The following EXOC4 variants were observed in gnomAD, a reference collection of about 807,000 sequenced individuals.
EXOC4 encodes the protein exocyst complex component 4, also known as SEC8-like 1.
A neutral mutation model predicts 107.2 loss-of-function variants in EXOC4; 71 were observed. The observed-to-expected ratio is 0.66, with a 90% CI of 0.55 to 0.81. The LOEUF is 0.81. EXOC4 is among the 30% of genes least tolerant of loss of function. The probability of loss-of-function intolerance (pLI) is 0.00; values close to 1 mark genes in which losing one functional copy is unlikely to be tolerated. For synonymous variants in EXOC4, 456 were observed against 441.2 expected, an observed-to-expected ratio of 1.03 and a Z score of -0.42; for missense variants, 1,108 against 1,189.6, an observed-to-expected ratio of 0.93 and a Z score of 1.01.
At chr7:133,858,057 G>A (rs528184103) in intron 11 of EXOC4, among the ~76,000 whole-genome samples, 18 of 152,006 alleles carry the variant, frequency 1.2e-4, no homozygotes, top group Non-Finnish European at 2.4e-4. Flanking sequence ...CCACAGAAGC[G>A]TCACCAGTGT....
chr7:133,957,759 A>G (rs2116822013), intron 14 of EXOC4, among the ~76,000 whole-genome samples: 1 of 152,370 alleles, frequency 6.6e-6, no homozygotes, highest in African/African-American at 2.4e-5. Flanking sequence ...CATCCCAGTA[A>G]TATACTCAGA....
At chr7:133,812,539 C>T (rs1045228383) in intron 10 of EXOC4, among the ~76,000 whole-genome samples, 2 of 152,124 alleles carry the variant, frequency 1.3e-5, no homozygotes, top group Non-Finnish European at 1.5e-5. Flanking sequence ...TAGGAAGGCT[C>T]ATTTTCTGTG....
At chr7:134,078,878 C>T in the EXOC4 span, among the ~76,000 whole-genome samples, 1 of 152,138 alleles carries the variant, frequency 6.6e-6, no homozygotes, top group Non-Finnish European at 1.5e-5. Flanking sequence ...TATTAACTGT[C>T]ATCATTTTCT....
intron 11 of EXOC4, among the ~76,000 whole-genome samples, chr7:133,853,088 G>C (rs543763022): frequency 6.6e-6 from 1 of 152,186 alleles, no homozygotes; most frequent in South Asian, 2.1e-4. Context: ...GTAGCCTAAG[G>C]TAGAGAAGTA....
chr7:134,010,865 T>C (rs1311200224), intron 17 of EXOC4, among the ~76,000 whole-genome samples: 4 of 152,178 alleles, frequency 2.6e-5, no homozygotes, highest in South Asian at 2.1e-4. Context: ...AGGGATTCCA[T>C]TGATGTTGAT....
At chr7:133,752,504 A>C (rs761139154) in intron 10 of EXOC4, among the ~76,000 whole-genome samples, 11 of 152,124 alleles carry the variant, frequency 7.2e-5, no homozygotes, top group Non-Finnish European at 1.3e-4. Flanking sequence ...GATTCAGGAT[A>C]TGCATTGAGC....
intron 9 of EXOC4, among the ~76,000 whole-genome samples, chr7:133,523,713 A>T (rs1479299500): frequency 6.6e-6 from 1 of 151,466 alleles, no homozygotes; most frequent in Non-Finnish European, 1.5e-5. Flanking sequence ...TGTTCTTGCG[A>T]TAGTTTACTG....
chr7:133,414,755 A>T (rs1432928950), intron 7 of EXOC4, among the ~76,000 whole-genome samples: 2 of 152,144 alleles, frequency 1.3e-5, no homozygotes, highest in African/African-American at 4.8e-5. Flanking sequence ...ATTATAGATA[A>T]ACCTTTTTTG....
intron 7 of EXOC4, among the ~76,000 whole-genome samples, chr7:133,413,223 A>G (rs745499947): frequency 1.3e-5 from 2 of 152,098 alleles, no homozygotes; most frequent in African/African-American, 4.8e-5. Flanking sequence ...CAGGTCATTG[A>G]ATTTTTTTCT....
At chr7:133,773,998 C>T (rs951030425) in intron 10 of EXOC4, among the ~76,000 whole-genome samples, 7 of 151,986 alleles carry the variant, frequency 4.6e-5, no homozygotes, top group South Asian at 2.1e-4. Context: ...ATCAAAGATA[C>T]AGATTTTCAA....
intron 1 of EXOC4, among the ~76,000 whole-genome samples, chr7:133,258,618 G>A (rs2080456658): frequency 6.6e-6 from 1 of 152,158 alleles, no homozygotes; most frequent in South Asian, 2.1e-4. Flanking sequence ...TCCTTTCTAG[G>A]ATCTGTAGCC....
chr7:133,730,279 T>C (rs1187799176), intron 10 of EXOC4, among the ~76,000 whole-genome samples: 1 of 151,186 alleles, frequency 6.6e-6, no homozygotes, highest in East Asian at 1.9e-4. Context: ...AATATGACAA[T>C]CTTGTTAAAT....
intron 14 of EXOC4, among the ~76,000 whole-genome samples, chr7:133,996,477 T>C (rs1794395569): frequency 6.6e-6 from 1 of 152,236 alleles, no homozygotes; most frequent in African/African-American, 2.4e-5. Context: ...TAGTTTTTTG[T>C]TTTTGTTCAG....
At chr7:133,265,878 G>T (rs1649169625) in intron 1 of EXOC4, among the ~76,000 whole-genome samples, 2 of 152,136 alleles carry the variant, frequency 1.3e-5, no homozygotes, top group African/African-American at 2.4e-5. Context: ...TTAGTTATCT[G>T]GGGCTGTATT....
Position 133,317,264 on chromosome 7 carries a change from G to A in EXOC4, c.657-20G>A. 6.4e-7 allele frequency: 1 copy of A among 1,567,026 alleles called. No individual in the cohort carries two copies. The highest frequency in any genetic ancestry group is 8.8e-7 in the Non-Finnish European group (1 of 1,137,578). ...TTGGTTTTGAAGAAAGTGGTAACTA[G>A]TGCTTCTTTTCCCGTTCAGCTCCCT... is the stretch of plus-strand genomic sequence containing the variant. On this transcript the variant is annotated intron_variant, in intron 4 of 17. Coordinates refer to ENST00000253861, the MANE Select transcript of EXOC4 (RefSeq NM_021807.4).
chr7:133,635,545 T>G (rs1802687000), intron 10 of EXOC4, among the ~76,000 whole-genome samples: 1 of 152,192 alleles, frequency 6.6e-6, no homozygotes, highest in Non-Finnish European at 1.5e-5. Flanking sequence ...AATACTCTAA[T>G]GCCTTTTTTT....
intron 9 of EXOC4, among the ~76,000 whole-genome samples, chr7:133,544,293 C>G (rs1039844225): frequency 3.3e-5 from 5 of 151,928 alleles, no homozygotes; most frequent in African/African-American, 1.2e-4. Flanking sequence ...GGACTAATGT[C>G]TTCATTGTTT....
intron 14 of EXOC4, among the ~76,000 whole-genome samples, chr7:133,982,323 C>T (rs747410141): frequency 3.0e-4 from 46 of 152,264 alleles, no homozygotes; most frequent in East Asian, 1.4e-3. Context: ...GAGGCCGAGG[C>T]GGGCAGATCA....
chr7:133,985,003 G>T (rs1299946500), intron 14 of EXOC4, among the ~76,000 whole-genome samples: 5 of 152,116 alleles, frequency 3.3e-5, no homozygotes, highest in African/African-American at 1.2e-4. Context: ...TTTTTGGGAG[G>T]CTCATAATAG....
Sources: gnomAD v4.1 joint callset for allele counts (sites outside exome capture counted in the v4.1 genomes callset) on GRCh38, gnomAD v4.1.1 for gene constraint, MANE v1.5 for transcripts, NCBI Gene and HGNC (gene_info 2026-07-23, HGNC 2026-07-21) for gene names.